Variants in LRRC8A observed in about 807,000 individuals in gnomAD.
LRRC8A encodes leucine rich repeat containing 8 VRAC subunit A, also known as volume-regulated anion channel subunit LRRC8A.
In LRRC8A, 24 loss-of-function variants were observed where a neutral mutation model predicts 52.5. The ratio of observed to expected loss-of-function variants is 0.46; its 90% confidence interval spans 0.33 to 0.64. The LOEUF is 0.64. Ranked by LOEUF, LRRC8A falls within the 30% of genes least tolerant of loss-of-function variation. The pLI is 0.02. For missense variants in LRRC8A, 677 were observed against 1,094.7 expected, an observed-to-expected ratio of 0.62 and a Z score of 5.38; for synonymous variants, 492 against 494.2, an observed-to-expected ratio of 1.00 and a Z score of 0.06.
chr9:128,908,990 C>T lies in LRRC8A; in HGVS notation c.1826C>T (p.Ser609Phe). The T allele has an allele frequency of 6.2e-7, 1 of 1,614,126 alleles. No individual in the cohort carries two copies. Among genetic ancestry groups the T allele is most frequent in the Non-Finnish European group, 8.5e-7 (1 of 1,180,006 alleles). Residue 609 changes from serine to phenylalanine, a missense_variant, in exon 3 of 4, where the codon TCC becomes TTC. This residue lies in a region of LRRC8A where 422 missense variants were observed against 741.5 expected (regional missense o/e 0.57). Transcript: ENST00000372600. ...TGTGACCTGGAGCGCATCCCCCACT[C>T]CATCTTCAGCCTCCACAACCTGCAG... The part of the protein sequence containing the change: ...IRCDLERIPH[S>F]IFSLHNLQEI...
At chr9:128,909,846 T>G (rs971126911) in intron 3 of LRRC8A, among the ~76,000 whole-genome samples, 1 of 152,182 alleles carries the variant, frequency 6.6e-6, no homozygotes, top group Non-Finnish European at 1.5e-5. Flanking sequence ...CCTTGGATGG[T>G]CTCTGCAGCT....
chr9:128,891,838 G>T (rs1839634655), intron 2 of LRRC8A, among the ~76,000 whole-genome samples: 2 of 152,200 alleles, frequency 1.3e-5, no homozygotes, highest in East Asian at 1.9e-4. Context: ...TTTGAGGCAG[G>T]TTGGCACAAT....
chr9:128,907,546 C>G lies in LRRC8A; in HGVS notation c.382C>G (p.Leu128Val). ...LHWFAKYFPYLVLLHTLIFLA... is the reference protein window; with the variant it reads ...LHWFAKYFPYVVLLHTLIFLA... The stretch of plus-strand genomic sequence containing the variant: ...CTGGTTTGCCAAGTACTTCCCCTAC[C>G]TGGTGCTTCTGCACACGCTCATCTT... Residue 128 changes from leucine to valine, a missense_variant, in exon 3 of 4, where the codon CTG becomes GTG. Physicochemically the swap from Leu to Val is conservative, Grantham distance 32. Around this residue, in one of 4 missense-constraint regions of LRRC8A, gnomAD observed 422 missense variants for 741.5 expected, o/e 0.57. Transcript: ENST00000372600. This position sits in a 1 kb window ranked among gnomAD's most constrained non-coding sequence, Gnocchi z 9.3. 1 of 1,614,172 alleles carries G rather than the reference C, an allele frequency of 6.2e-7. No homozygotes were observed. The highest frequency in any genetic ancestry group is 1.1e-5 in the South Asian group (1 of 91,084).
At chr9:128,891,686 G>C (rs1394439845) in intron 2 of LRRC8A, among the ~76,000 whole-genome samples, 2 of 152,224 alleles carry the variant, frequency 1.3e-5, no homozygotes, top group Non-Finnish European at 2.9e-5. Flanking sequence ...GTACCCGTGA[G>C]ACCAGAGGCA....
At chr9:128,893,860 C>T (rs1376825300) in intron 2 of LRRC8A, among the ~76,000 whole-genome samples, 5 of 151,078 alleles carry the variant, frequency 3.3e-5, no homozygotes, top group Non-Finnish European at 5.9e-5. Flanking sequence ...TTTCTGTACA[C>T]AGTAATGAGT....
intron 2 of LRRC8A, among the ~76,000 whole-genome samples, chr9:128,905,348 T>C (rs201097341): frequency 1.1e-4 from 17 of 152,208 alleles, no homozygotes; most frequent in African/African-American, 4.1e-4. Flanking sequence ...TAGTACCTTA[T>C]CCCTCCGTGA....
rs11999256 is a variant in LRRC8A, at chr9:128,908,535, C to T, written c.1371C>T (p.Pro457=). The stretch of plus-strand genomic sequence containing the variant: ...AGGTCCTCAAGCTGGAGCTGATCCC[C>T]GACGTGACCATCCCGCCCAGCATTG... ...ELEVLKLELI[P]DVTIPPSIAQ... Residue 457 remains proline, a synonymous_variant, in exon 3 of 4, where the codon CCC becomes CCT. Transcript: ENST00000372600. 1.4e-3 allele frequency: 2,179 copies of T among 1,612,808 alleles called. 8 individuals carry two copies. The African/African-American group carries it at 0.014, about 11-fold the overall frequency.
At position 128,902,324 on chromosome 9, in the gene LRRC8A, G is replaced by A. The variant is rs1219714836; in HGVS notation, c.-8-4833G>A. On this transcript the variant is annotated intron_variant, in intron 2 of 3. Coordinates refer to ENST00000372600, the MANE Select transcript of LRRC8A (RefSeq NM_019594.4). The surrounding 1 kb of genome is among the most constrained non-coding windows in gnomAD (Gnocchi z 4.1). The stretch of plus-strand genomic sequence containing the variant: ...TGATTGGGACGGTGTTTCCTGCCTT[G>A]GGCAGGTGGTTTTGCCTCTGTGAGC... Among the ~76,000 whole-genome samples, 1 of 152,106 alleles carries A rather than the reference G, an allele frequency of 6.6e-6. No homozygotes were observed. The highest frequency in any genetic ancestry group is 1.5e-5 in the Non-Finnish European group (1 of 68,010).
At chr9:128,896,649 T>C (rs950260513) in intron 2 of LRRC8A, among the ~76,000 whole-genome samples, 2 of 152,234 alleles carry the variant, frequency 1.3e-5, no homozygotes, top group Non-Finnish European at 2.9e-5. Context: ...TTCCCCTCAT[T>C]GGATTGTTTT....
intron 2 of LRRC8A, among the ~76,000 whole-genome samples, chr9:128,906,362 G>T (rs1020446179): frequency 1.8e-5 from 2 of 112,772 alleles, no homozygotes; most frequent in Non-Finnish European, 3.3e-5. Flanking sequence ...CACTCTTGTC[G>T]CCCAGGCTGG....
chr9:128,907,891 C>G lies in LRRC8A; in HGVS notation c.727C>G (p.Leu243Val). ...DKKEGEQAKA[L>V]FEKVKKFRTH... Reference sequence around the variant, plus strand: ...GAAGGAGGGGGAGCAAGCCAAGGCGCTGTTTGAGAAGGTGAAGAAGTTCCG... The same window carrying G: ...GAAGGAGGGGGAGCAAGCCAAGGCGGTGTTTGAGAAGGTGAAGAAGTTCCG... Residue 243 changes from leucine (L) to valine (V), a missense_variant, in exon 3 of 4, where the codon CTG (leucine) becomes GTG (valine). Around this residue, in one of 4 missense-constraint regions of LRRC8A, gnomAD observed 422 missense variants for 741.5 expected, o/e 0.57. Transcript: ENST00000372600. The surrounding 1 kb of genome is among the most constrained non-coding windows in gnomAD (Gnocchi z 9.3). 1.9e-6 allele frequency: 3 copies of G among 1,614,106 alleles called. No homozygotes were observed. Among genetic ancestry groups the G allele is most frequent in the Non-Finnish European group, 2.5e-6 (3 of 1,180,034 alleles).
intron 2 of LRRC8A, among the ~76,000 whole-genome samples, chr9:128,886,772 T>A (rs1225816772): frequency 6.6e-6 from 1 of 152,198 alleles, no homozygotes; most frequent in Non-Finnish European, 1.5e-5. Context: ...TAGAAGGTGG[T>A]CCCGAGTCAT....
At chr9:128,895,998 C>T (rs1048574851) in intron 2 of LRRC8A, among the ~76,000 whole-genome samples, 2 of 152,256 alleles carry the variant, frequency 1.3e-5, no homozygotes, top group South Asian at 4.1e-4. Context: ...CATGCACGCA[C>T]GCACACACTT....
At position 128,908,821 on chromosome 9, in the gene LRRC8A, A is replaced by G. The variant is rs1305786666; in HGVS notation, c.1657A>G (p.Ser553Gly). Reference sequence around the variant, plus strand: ...ACGCCTCAAGGTGCTGCGGCTCAAGAGCAACCTAAGCAAGCTGCCACAGGT... The same window carrying G: ...ACGCCTCAAGGTGCTGCGGCTCAAGGGCAACCTAAGCAAGCTGCCACAGGT... Reference protein sequence around the residue: ...LKRLKVLRLKSNLSKLPQVVT... With the variant: ...LKRLKVLRLKGNLSKLPQVVT... The change falls in exon 3 of 4, where the codon AGC becomes GGC. Residue 553 changes from serine (S) to glycine (G), a missense_variant. Around this residue, in one of 4 missense-constraint regions of LRRC8A, gnomAD observed 422 missense variants for 741.5 expected, o/e 0.57. Transcript: ENST00000372600. 3 of 1,613,522 alleles carry G rather than the reference A, an allele frequency of 1.9e-6. No homozygotes were observed. The highest frequency in any genetic ancestry group is 2.5e-6 in the Non-Finnish European group (3 of 1,180,036).
intron 2 of LRRC8A, among the ~76,000 whole-genome samples, chr9:128,891,509 C>T (rs1189313097): frequency 6.6e-6 from 1 of 152,228 alleles, no homozygotes; most frequent in Non-Finnish European, 1.5e-5. Flanking sequence ...TGCAGTGAGT[C>T]ATGATCGCAC....
At chr9:128,885,665 T>A (rs1367549499) in intron 1 of LRRC8A, among the ~76,000 whole-genome samples, 2 of 152,144 alleles carry the variant, frequency 1.3e-5, no homozygotes, top group Non-Finnish European at 2.9e-5. Flanking sequence ...CCCAATACTT[T>A]GGGAGGCCGA....
At chr9:128,882,478 TC>T (rs1035749537) in intron 1 of LRRC8A, 2 of 378,934 alleles carry the variant, frequency 5.3e-6, no homozygotes, top group Admixed American at 9.1e-5. Context: ...GCGAGCCCCC[TC>T]CCAGGCACCC....
chr9:128,912,101 T>G (rs953462984), intron 3 of LRRC8A, among the ~76,000 whole-genome samples: 3 of 152,214 alleles, frequency 2.0e-5, no homozygotes, highest in Admixed American at 6.5e-5. Flanking sequence ...TTGTTTGTTT[T>G]TTTGGTAGAG....
chr9:128,882,685 C>T (rs756943860), intron 1 of LRRC8A: 8 of 399,034 alleles, frequency 2.0e-5, no homozygotes, highest in Middle Eastern at 1.2e-3. Flanking sequence ...AGTTCCTGGT[C>T]CCCTTCTCTT....
Sources: allele counts gnomAD v4.1 joint callset (sites outside exome capture counted in the v4.1 genomes callset), GRCh38; gene constraint gnomAD v4.1.1; regional missense constraint gnomAD v4.1.1; non-coding constraint Gnocchi (gnomAD v3.1); transcripts MANE v1.5; gene names NCBI Gene and HGNC (gene_info 2026-07-23, HGNC 2026-07-21).